Variants in CORO6 observed in about 807,000 individuals in gnomAD.
CORO6 encodes coronin-6.
In CORO6, 43 loss-of-function variants were observed where a neutral mutation model predicts 49.0. That is an observed-to-expected ratio of 0.88 (90% CI 0.69 to 1.13). The LOEUF (loss-of-function observed/expected upper bound fraction) is 1.13, where lower values mean the gene tolerates loss of function less well. Among genes scored for constraint, CORO6 ranks in the 50% most tolerant of loss-of-function variants. The pLI is 0.00. For missense variants in CORO6, 650 were observed against 647.0 expected (o/e 1.00, Z -0.05); for synonymous variants, 233 against 256.5 (o/e 0.91, Z 0.88).
chr17:29,617,574 A>C lies in CORO6; in HGVS notation c.679T>G (p.Phe227Val). ...GTGAAGATATGGCCCTGGCGCGTGA[A>C]GACGGCCCGCATGGGCCTCATCCCC... ...HEGMRPMRAV[F>V]TRQGHIFTTG... The change falls in exon 6 of 11, where the codon TTC becomes GTC. Residue 227 changes from phenylalanine to valine, a missense_variant. Physicochemically the swap from Phe to Val is conservative, Grantham distance 50. Coordinates refer to ENST00000388767, the MANE Select transcript of CORO6 (RefSeq NM_032854.4). 6.2e-7 allele frequency: 1 copy of C among 1,608,364 alleles called. No individual in the cohort carries two copies. The highest frequency in any genetic ancestry group is 1.1e-5 in the South Asian group (1 of 90,602).
Position 29,618,119 on chromosome 17 carries a change from T to A in CORO6, c.634-500A>T, listed in dbSNP as rs539421172. On this transcript the variant is annotated intron_variant, in intron 5 of 10. Transcript: ENST00000388767. ...GTGCTGAGCAGCTTCCCGTCTGCGGTGAAGACAGCCCGCAGCGGGCGGGCG... is the reference window on the plus strand; with the variant it reads ...GTGCTGAGCAGCTTCCCGTCTGCGGAGAAGACAGCCCGCAGCGGGCGGGCG... The A allele has an allele frequency of 1.7e-5, 25 of 1,438,068 alleles. 3 individuals are homozygous for A. The South Asian group carries it at 3.3e-4, about 19-fold the overall frequency. 89.1% of individuals were successfully genotyped at this position (1,438,068 alleles called of 1,614,324 possible).
intron 6 of CORO6, 166 bp from the exon 7 acceptor site, chr17:29,617,208 TG>T: frequency 6.5e-7 from 1 of 1,537,834 alleles, no homozygotes. Context: ...CCTCCTCCCC[TG>T]CGCACATAGC....
chr17:29,617,427 G>A (rs2035030122), intron 6 of CORO6, 73 bp downstream of exon 6: 2 of 1,554,596 alleles, frequency 1.3e-6, no homozygotes, highest in Non-Finnish European at 8.7e-7. Context: ...TGCCCTGCGG[G>A]TGGGGGGCGC....
In CORO6 at chr17:29,621,559, A is replaced by G; in HGVS notation, c.-63-75T>C. The G allele has an allele frequency of 7.0e-7, 1 of 1,421,846 alleles. No individual in the cohort carries two copies. Among genetic ancestry groups the G allele is most frequent in the Non-Finnish European group, 9.5e-7 (1 of 1,057,894 alleles). 88.1% of individuals were successfully genotyped at this position (1,421,846 alleles called of 1,614,324 possible). A position where few individuals can be genotyped will look rare whatever the true frequency, so the allele number is the denominator to read the frequency against. ...GGTCAGGAGTCAGGTATAAATCCAT[A>G]TAGTGTCTGGTCCTAGAAGCAGGGA... On this transcript the variant is annotated intron_variant, in intron 1 of 10. Coordinates refer to ENST00000388767, the MANE Select transcript of CORO6 (RefSeq NM_032854.4). The surrounding 1 kb of genome is among the most constrained non-coding windows in gnomAD (Gnocchi z 4.2).
rs1489091477 is a variant in CORO6 at position 29,615,301 on chromosome 17, T to C, written c.*431A>G. 4 of 161,696 alleles carry C rather than the reference T, an allele frequency of 2.5e-5. No homozygotes were observed. In the East Asian group the frequency reaches 5.5e-4, roughly 22 times the overall value. 10.0% of individuals were successfully genotyped at this position (161,696 alleles called of 1,614,324 possible). ...GGGTGATGGAATCCAGTGAGCTGAT[T>C]AGGAGAAGCGCTGTCATTTTCCCCA... On this transcript the variant is annotated 3_prime_UTR_variant, in exon 11 of 11. Coordinates refer to ENST00000388767, the MANE Select transcript of CORO6 (RefSeq NM_032854.4).
intron 5 of CORO6, chr17:29,618,060 C>T: frequency 6.7e-7 from 1 of 1,499,494 alleles, no homozygotes; most frequent in South Asian, 1.2e-5. Flanking sequence ...GGTCCCAGAG[C>T]GCGAGTTGCC....
Position 29,621,266 on chromosome 17 carries a change from C to A in CORO6, c.156G>T (p.Glu52Asp). ...VNPKFLAIIV[E>D]AGGGGAFIVL... is the part of the protein sequence containing the mutation. The stretch of plus-strand genomic sequence containing the variant: ...CGATGAAGGCACCCCCGCCTCCAGC[C>A]TCCACAATAATGGCCAGGAATTTGG... The change falls in exon 2 of 11, where the codon GAG becomes GAT. Residue 52 changes from glutamate to aspartate, a missense_variant. By Grantham distance (45) the Glu-to-Asp change is conservative (BLOSUM62 2). Transcript: ENST00000388767. The surrounding 1 kb of genome is among the most constrained non-coding windows in gnomAD (Gnocchi z 4.2). The A allele has an allele frequency of 6.2e-7, 1 of 1,614,164 alleles. No individual in the cohort carries two copies. Among genetic ancestry groups the A allele is most frequent in the South Asian group, 1.1e-5 (1 of 91,086 alleles).
At chr17:29,619,582 C>T (rs893512419) in intron 3 of CORO6, 69 bp downstream of exon 3, 13 of 1,520,254 alleles carry the variant, frequency 8.6e-6, no homozygotes, top group Non-Finnish European at 1.2e-5. Flanking sequence ...AGCACCTTCC[C>T]CAGCACAGGT....
chr17:29,622,897 A>T lies in CORO6; in HGVS notation c.-273T>A, dbSNP rs550124163. The T allele has an allele frequency of 3.2e-6, 4 of 1,235,436 alleles. No individual in the cohort carries two copies. In the African/African-American group the frequency reaches 8.3e-5, roughly 26 times the overall value. The allele number at this position is 1,235,436 out of a possible 1,614,324, so 76.5% of individuals were successfully genotyped here. ...CGCTGCAGCCCCAGCTGCCGCTGCCATCAACCTAAGAGGGCGGGGCTAGCA... is the reference window on the plus strand; with the variant it reads ...CGCTGCAGCCCCAGCTGCCGCTGCCTTCAACCTAAGAGGGCGGGGCTAGCA... On this transcript the variant is annotated 5_prime_UTR_variant, in exon 1 of 11. It removes an upstream start codon present in the reference 5' UTR. Coordinates refer to ENST00000388767, the MANE Select transcript of CORO6 (RefSeq NM_032854.4).
chr17:29,615,777 C>A lies in CORO6; in HGVS notation c.1374G>T (p.Thr458=). Residue 458 remains threonine, a synonymous_variant, in exon 11 of 11, where the codon ACG becomes ACT. Coordinates refer to ENST00000388767, the MANE Select transcript of CORO6 (RefSeq NM_032854.4). ...GCTCGCACAGCATGTTCTCCAGAGC[C>A]GTGATGCGCTGCTCCTGGGCCTGCA... ...ERVQAQEQRI[T]ALENMLCELV... 7 of 1,555,998 alleles carry A rather than the reference C, an allele frequency of 4.5e-6. No homozygotes were observed. The highest frequency in any genetic ancestry group is 5.2e-6 in the Non-Finnish European group (6 of 1,150,688).
chr17:29,616,403 A>G lies in CORO6; in HGVS notation c.1005-67T>C. On this transcript the variant is annotated intron_variant, in intron 8 of 10. Transcript: ENST00000388767. This position sits in a 1 kb window ranked among gnomAD's most constrained non-coding sequence, Gnocchi z 5.6. Reference sequence around the variant, plus strand: ...TCCTTAACTTCTCCTGTCTAAGACCAAGGGGGTTGGAGGCCAACACTTGCT... The same window carrying G: ...TCCTTAACTTCTCCTGTCTAAGACCGAGGGGGTTGGAGGCCAACACTTGCT... 1 of 1,496,182 alleles carries G rather than the reference A, an allele frequency of 6.7e-7. No homozygotes were observed. Among genetic ancestry groups the G allele is most frequent in the South Asian group, 1.2e-5 (1 of 83,398 alleles). The allele number at this position is 1,496,182 out of a possible 1,614,324, so 92.7% of individuals were successfully genotyped here. A position where few individuals can be genotyped will look rare whatever the true frequency, so the allele number is the denominator to read the frequency against.
rs1044023143 is a variant in CORO6, at chr17:29,615,288, C to T, written c.*444G>A. On this transcript the variant is annotated 3_prime_UTR_variant, in exon 11 of 11. Coordinates refer to ENST00000388767, the MANE Select transcript of CORO6 (RefSeq NM_032854.4). ...GGTTTACCGCTCAGGGTGATGGAATCCAGTGAGCTGATTAGGAGAAGCGCT... is the reference window on the plus strand; with the variant it reads ...GGTTTACCGCTCAGGGTGATGGAATTCAGTGAGCTGATTAGGAGAAGCGCT... The T allele has an allele frequency of 3.2e-5, 5 of 158,120 alleles. No homozygotes were observed. The highest frequency in any genetic ancestry group is 5.6e-5 in the Non-Finnish European group (4 of 71,848). 9.8% of individuals were successfully genotyped at this position (158,120 alleles called of 1,614,324 possible). A position where few individuals can be genotyped will look rare whatever the true frequency, so the allele number is the denominator to read the frequency against.
In CORO6 at chr17:29,621,392, C is replaced by A. The variant is rs754324519; in HGVS notation, c.30G>T (p.Lys10Asn). 6.2e-7 allele frequency: 1 copy of A among 1,613,270 alleles called. No individual in the cohort carries two copies. Among genetic ancestry groups the A allele is most frequent in the Non-Finnish European group, 8.5e-7 (1 of 1,179,588 alleles). Residue 10 changes from lysine to asparagine, a missense_variant, in exon 2 of 11, where the codon AAG becomes AAT. Coordinates refer to ENST00000388767, the MANE Select transcript of CORO6 (RefSeq NM_032854.4). This position sits in a 1 kb window ranked among gnomAD's most constrained non-coding sequence, Gnocchi z 4.2. ...CTGCCTGCCCAAACACATGGCGGAA[C>A]TTGCTTTGCCGAACCACACGTCTGC... MSRRVVRQS[K>N]FRHVFGQAAK... is the part of the protein sequence containing the mutation.
chr17:29,615,701 C>G lies in CORO6; in HGVS notation c.*31G>C. The G allele has an allele frequency of 4.8e-6, 7 of 1,471,212 alleles. No homozygotes were observed. Among genetic ancestry groups the G allele is most frequent in the Non-Finnish European group, 6.3e-6 (7 of 1,115,162 alleles). 91.1% of individuals were successfully genotyped at this position (1,471,212 alleles called of 1,614,324 possible). On this transcript the variant is annotated 3_prime_UTR_variant, in exon 11 of 11. Transcript: ENST00000388767. ...CGGGGCGGGGCCGAGCTTGTGCGCC[C>G]CGCCCCGCTCCGCCTGCCTGGCGCG...
Position 29,617,487 on chromosome 17 carries a change from C to T in CORO6, c.753+13G>A. The T allele has an allele frequency of 1.2e-6, 2 of 1,603,304 alleles. No individual in the cohort carries two copies. The highest frequency in any genetic ancestry group is 1.7e-6 in the Non-Finnish European group (2 of 1,177,034). The stretch of plus-strand genomic sequence containing the variant: ...TCCCCGAGGCACACACCCCAAGCCT[C>T]CAGCTGCGTTACCGGGTCCCACAGG... On this transcript the variant is annotated intron_variant, in intron 6 of 10. Coordinates refer to ENST00000388767, the MANE Select transcript of CORO6 (RefSeq NM_032854.4).
Position 29,621,153 on chromosome 17 carries a change from A to G in CORO6, c.198+71T>C. The G allele has an allele frequency of 1.3e-6, 2 of 1,578,846 alleles. No homozygotes were observed. The highest frequency in any genetic ancestry group is 1.7e-6 in the Non-Finnish European group (2 of 1,155,964). On this transcript the variant is annotated intron_variant, in intron 2 of 10. Transcript: ENST00000388767. This position sits in a 1 kb window ranked among gnomAD's most constrained non-coding sequence, Gnocchi z 4.2. ...GACTATGGAATGGAACTAGGTGAGA[A>G]CAAAGGCTCAGGAGTTCCCAGGGGC...
In CORO6 at chr17:29,615,830, C is replaced by A; in HGVS notation, c.1321G>T (p.Glu441Ter). 2 of 1,587,114 alleles carry A rather than the reference C, an allele frequency of 1.3e-6. No homozygotes were observed. The highest frequency in any genetic ancestry group is 1.7e-6 in the Non-Finnish European group (2 of 1,168,004). Residue 441 changes from glutamate to a stop codon, truncating the protein, a stop_gained, in exon 11 of 11, where the codon GAA becomes TAA. Transcript: ENST00000388767. LOFTEE classifies it high-confidence loss of function. The stretch of plus-strand genomic sequence containing the variant: ...CGCTCGCGGAGGGCCTTGATCTCTT[C>A]CAGCAGCGTCTCCAGGGTGTGCTGC... ...SQQHTLETLL[E>*]EIKALRERVQ...
rs2035281032 is a variant in CORO6, at chr17:29,621,017, A to G, written c.198+207T>C. Reference sequence around the variant, plus strand: ...TGGTGCATGGAGAGGTGGGAGGGCTAGGGAGTGGGAGTAAGCCACCCTGAT... The same window carrying G: ...TGGTGCATGGAGAGGTGGGAGGGCTGGGGAGTGGGAGTAAGCCACCCTGAT... On this transcript the variant is annotated intron_variant, in intron 2 of 10. Coordinates refer to ENST00000388767, the MANE Select transcript of CORO6 (RefSeq NM_032854.4). The surrounding 1 kb of genome is among the most constrained non-coding windows in gnomAD (Gnocchi z 4.2). Among the ~76,000 whole-genome samples the G allele has an allele frequency of 6.6e-6, 1 of 152,044 alleles. No individual in the cohort carries two copies. The highest frequency in any genetic ancestry group is 1.5e-5 in the Non-Finnish European group (1 of 67,964).
At chr17:29,618,081 C>T in intron 5 of CORO6, 1 of 1,497,986 alleles carries the variant, frequency 6.7e-7, no homozygotes, top group Non-Finnish European at 8.8e-7. Flanking sequence ...GCTCACTCAT[C>T]CTGCTGAAGC....
Sources: allele counts gnomAD v4.1 joint callset (sites outside exome capture counted in the v4.1 genomes callset), GRCh38; gene constraint gnomAD v4.1.1; non-coding constraint Gnocchi (gnomAD v3.1); transcripts MANE v1.5; gene names NCBI Gene and HGNC (gene_info 2026-07-23, HGNC 2026-07-21).